The following NTM variants were observed in gnomAD, a reference collection of about 807,000 sequenced individuals.
The protein encoded by NTM is neurotrimin.
A neutral mutation model predicts 42.1 loss-of-function variants in NTM; 13 were observed. The ratio of observed to expected loss-of-function variants is 0.31; its 90% CI spans 0.20 to 0.49. NTM has a LOEUF of 0.49. Ranked by LOEUF, NTM falls within the 20% of genes least tolerant of loss-of-function variation. The probability of loss-of-function intolerance (pLI) is 0.99; values close to 1 mark genes in which losing one functional copy is unlikely to be tolerated. For synonymous variants in NTM, 187 were observed against 179.2 expected, an observed-to-expected ratio of 1.04 and a Z score of -0.35; for missense variants, 373 against 452.8, an observed-to-expected ratio of 0.82 and a Z score of 1.60.
intron 2 of NTM, among the ~76,000 whole-genome samples, chr11:132,116,498 G>A (rs1363989123): frequency 6.6e-6 from 1 of 152,158 alleles, no homozygotes; most frequent in African/African-American, 2.4e-5. Flanking sequence ...GGGAAATGAA[G>A]GGGACAGATA....
intron 1 of NTM, among the ~76,000 whole-genome samples, chr11:131,559,495 A>T (rs1022315122): frequency 6.6e-6 from 1 of 152,262 alleles, no homozygotes; most frequent in East Asian, 1.9e-4. Flanking sequence ...CACAGTCTCA[A>T]ATTTGTTAGA....
intron 4 of NTM, among the ~76,000 whole-genome samples, chr11:132,240,830 C>A (rs2090066780): frequency 6.6e-6 from 1 of 152,186 alleles, no homozygotes; most frequent in Non-Finnish European, 1.5e-5. Flanking sequence ...GAAACAGTTA[C>A]AGAAATATTG....
At chr11:131,416,595 G>C (rs1946983750) in intron 1 of NTM, among the ~76,000 whole-genome samples, 1 of 152,214 alleles carries the variant, frequency 6.6e-6, no homozygotes, top group Non-Finnish European at 1.5e-5. Context: ...GACACAGTTA[G>C]ACTCAATAAA....
chr11:132,247,289 T>C (rs1346488339), intron 4 of NTM, among the ~76,000 whole-genome samples: 1 of 152,196 alleles, frequency 6.6e-6, no homozygotes, highest in African/African-American at 2.4e-5. Flanking sequence ...GCATTGGAAT[T>C]ATACAAATTT....
At chr11:131,390,542 C>T (rs1469280417) in intron 1 of NTM, among the ~76,000 whole-genome samples, 1 of 152,102 alleles carries the variant, frequency 6.6e-6, no homozygotes, top group Non-Finnish European at 1.5e-5. Context: ...AATTAGCATT[C>T]AGTGATTTAC....
At chr11:131,423,917 A>C (rs974737970) in intron 1 of NTM, among the ~76,000 whole-genome samples, 27 of 152,202 alleles carry the variant, frequency 1.8e-4, no homozygotes, top group African/African-American at 5.8e-4. Flanking sequence ...CACATTGCTC[A>C]TAAGTAGGGT....
In NTM at chr11:131,485,491, CAA is replaced by C. The variant is rs1453282143; in HGVS notation, c.82+114605_82+114606del. On this transcript the variant is annotated intron_variant, in intron 1 of 8. Coordinates refer to ENST00000683400, the MANE Select transcript of NTM (RefSeq NM_001352005.2). ...GAATGTTCGAGGTGAGGTCAAAAGACAAATACAAAAGTGCAATGTCCCAGAGC... is the reference window on the plus strand; with the variant it reads ...GAATGTTCGAGGTGAGGTCAAAAGACATACAAAAGTGCAATGTCCCAGAGC... 6.6e-5 allele frequency among the ~76,000 whole-genome samples: 10 copies of C among 152,228 alleles called. No individual in the cohort carries two copies. In the East Asian group the frequency reaches 1.7e-3, roughly 27 times the overall value.
chr11:131,521,111 T>G (rs2049597415), intron 1 of NTM, among the ~76,000 whole-genome samples: 1 of 151,592 alleles, frequency 6.6e-6, no homozygotes, highest in South Asian at 2.1e-4. Context: ...GATCACGAGG[T>G]CAGGAGTTTG....
intron 1 of NTM, among the ~76,000 whole-genome samples, chr11:131,493,914 C>T (rs1565561138): frequency 6.6e-6 from 1 of 152,138 alleles, no homozygotes; most frequent in African/African-American, 2.4e-5. Context: ...TTCTCTGTAG[C>T]CTCTTATTTC....
chr11:131,890,675 T>G (rs780448967), intron 1 of NTM, among the ~76,000 whole-genome samples: 35 of 152,180 alleles, frequency 2.3e-4, no homozygotes, highest in Non-Finnish European at 4.9e-4. Flanking sequence ...ATAGCACCAC[T>G]ACCCAGTTGC....
intron 1 of NTM, among the ~76,000 whole-genome samples, chr11:131,472,475 G>A (rs567898709): frequency 4.6e-5 from 7 of 152,190 alleles, no homozygotes; most frequent in Non-Finnish European, 1.0e-4. Context: ...GTCTGTGTGA[G>A]TATGTGTGTG....
intron 1 of NTM, among the ~76,000 whole-genome samples, chr11:131,723,065 T>C (rs1189265223): frequency 6.6e-6 from 1 of 152,236 alleles, no homozygotes; most frequent in East Asian, 1.9e-4. Context: ...CATAGCCAGT[T>C]GATGGCTGAT....
At chr11:132,055,664 C>T (rs1047014558) in intron 2 of NTM, among the ~76,000 whole-genome samples, 1 of 117,758 alleles carries the variant, frequency 8.5e-6, no homozygotes, top group Admixed American at 8.7e-5. Flanking sequence ...AGAGAGAGAG[C>T]GAGAGTGAGA....
At chr11:131,639,988 A>T (rs2064933206) in intron 1 of NTM, among the ~76,000 whole-genome samples, 1 of 150,026 alleles carries the variant, frequency 6.7e-6, no homozygotes, top group Non-Finnish European at 1.5e-5. Flanking sequence ...TAATAAAATA[A>T]AAATAAATAA....
At chr11:131,799,251 G>A (rs2091898029) in intron 1 of NTM, among the ~76,000 whole-genome samples, 1 of 152,122 alleles carries the variant, frequency 6.6e-6, no homozygotes, top group Admixed American at 6.5e-5. Context: ...CATCCTTAGA[G>A]TGTGTACTTG....
chr11:132,169,333 T>TAC (rs1261209662), intron 3 of NTM, among the ~76,000 whole-genome samples: 4 of 98,570 alleles, frequency 4.1e-5, no homozygotes, highest in Non-Finnish European at 8.1e-5. Context: ...TTTTTTTTTT[T>TAC]TTTTTTTTTT....
chr11:132,052,772 A>G (rs1465064108), intron 2 of NTM, among the ~76,000 whole-genome samples: 1 of 103,378 alleles, frequency 9.7e-6, no homozygotes, highest in Non-Finnish European at 1.9e-5. Flanking sequence ...TTCCAGGCTC[A>G]CTGTGTGTGT....
At chr11:131,721,814 T>C (rs550301804) in intron 1 of NTM, among the ~76,000 whole-genome samples, 2 of 151,620 alleles carry the variant, frequency 1.3e-5, no homozygotes, top group African/African-American at 4.8e-5. Flanking sequence ...CTGACCAACA[T>C]GGAGAAACCC....
intron 1 of NTM, among the ~76,000 whole-genome samples, chr11:131,756,086 G>A (rs889980389): frequency 2.0e-5 from 3 of 152,206 alleles, no homozygotes; most frequent in Admixed American, 2.0e-4. Flanking sequence ...GGGCTCCTGG[G>A]TTGCATCTGA....
Sources: allele counts gnomAD v4.1 joint callset (sites outside exome capture counted in the v4.1 genomes callset), GRCh38; gene constraint gnomAD v4.1.1; transcripts MANE v1.5; gene names NCBI Gene and HGNC (gene_info 2026-07-23, HGNC 2026-07-21).